GPC5: variants seen among roughly 807,000 people sequenced by gnomAD.
GPC5 encodes glypican-5.
In GPC5, 47 loss-of-function variants were observed where a neutral mutation model predicts 53.9. The ratio of observed to expected loss-of-function variants is 0.87; its 90% confidence interval spans 0.69 to 1.11. GPC5 has a LOEUF of 1.11. GPC5 is among the 50% of genes most tolerant of loss of function. The pLI, the probability that GPC5 is intolerant of heterozygous loss-of-function variation, is 0.00. For missense variants in GPC5, 748 were observed against 713.1 expected, an observed-to-expected ratio of 1.05 and a Z score of -0.56; for synonymous variants, 286 against 263.3, an observed-to-expected ratio of 1.09 and a Z score of -0.84.
chr13:91,716,093 T>A (rs2139933743), intron 3 of GPC5, among the ~76,000 whole-genome samples: 1 of 152,308 alleles, frequency 6.6e-6, no homozygotes, highest in Middle Eastern at 3.4e-3. Flanking sequence ...TTGATTTTTT[T>A]TTTTAAAGAT....
intron 5 of GPC5, among the ~76,000 whole-genome samples, chr13:91,802,808 T>C (rs543827639): frequency 6.6e-6 from 1 of 152,284 alleles, no homozygotes; most frequent in East Asian, 1.9e-4. Flanking sequence ...GGACTCATTC[T>C]GTCTCTTCTA....
chr13:91,576,124 T>C (rs1303714724), intron 2 of GPC5, among the ~76,000 whole-genome samples: 1 of 152,208 alleles, frequency 6.6e-6, no homozygotes, highest in East Asian at 1.9e-4. Flanking sequence ...GGCAGACAGA[T>C]GTTGGTCAAA....
intron 7 of GPC5, among the ~76,000 whole-genome samples, chr13:92,331,681 G>GT (rs2043288830): frequency 8.4e-6 from 1 of 119,248 alleles, no homozygotes; most frequent in Admixed American, 8.8e-5. Flanking sequence ...ATATACATAG[G>GT]GTTTTTTTTT....
At chr13:91,872,276 A>G (rs1406417440) in intron 5 of GPC5, among the ~76,000 whole-genome samples, 1 of 152,198 alleles carries the variant, frequency 6.6e-6, no homozygotes, top group Non-Finnish European at 1.5e-5. Flanking sequence ...AAAGAGCCCA[A>G]ATAAACATCT....
chr13:92,642,954 T>C (rs1259432630), intron 7 of GPC5, among the ~76,000 whole-genome samples: 1 of 152,226 alleles, frequency 6.6e-6, no homozygotes, highest in East Asian at 1.9e-4. Flanking sequence ...GTCAGTTATA[T>C]ACATGTTTCT....
At chr13:92,270,322 T>C (rs1315261045) in intron 7 of GPC5, among the ~76,000 whole-genome samples, 1 of 152,160 alleles carries the variant, frequency 6.6e-6, no homozygotes, top group East Asian at 1.9e-4. Flanking sequence ...GATTGGAACA[T>C]AGGGGTGGAT....
chr13:92,042,824 A>G lies in GPC5; in HGVS notation c.1402-102006A>G, dbSNP rs191369338. Reference sequence around the variant, plus strand: ...GCAGCTAATTATGAATATGTTCAAAACAGTTCAAAGAACGAAAAGAGCCAT... The same window carrying G: ...GCAGCTAATTATGAATATGTTCAAAGCAGTTCAAAGAACGAAAAGAGCCAT... On this transcript the variant is annotated intron_variant, in intron 6 of 7. Coordinates refer to ENST00000377067, the MANE Select transcript of GPC5 (RefSeq NM_004466.6). Among the ~76,000 whole-genome samples the G allele has an allele frequency of 9.8e-4, 149 of 152,348 alleles. 2 individuals are homozygous for G. Among genetic ancestry groups the G allele is most frequent in the African/African-American group, 3.2e-3 (132 of 41,578 alleles).
At chr13:91,907,090 T>TAC (rs1212396608) in intron 5 of GPC5, among the ~76,000 whole-genome samples, 71 of 148,852 alleles carry the variant, frequency 4.8e-4, no homozygotes, top group Middle Eastern at 7.2e-3. Context: ...ATGTGCCATA[T>TAC]ATATATGTAT....
chr13:92,125,675 T>G (rs1303040297), intron 6 of GPC5, among the ~76,000 whole-genome samples: 2 of 152,082 alleles, frequency 1.3e-5, no homozygotes, highest in African/African-American at 2.4e-5. Flanking sequence ...ATTTAAGCAT[T>G]GATTTAACAA....
At chr13:92,759,298 T>A (rs1460939250) in intron 7 of GPC5, among the ~76,000 whole-genome samples, 1 of 152,012 alleles carries the variant, frequency 6.6e-6, no homozygotes, top group Admixed American at 6.6e-5. Flanking sequence ...GGGATTTTGA[T>A]AAGCATGGCA....
chr13:91,646,639 G>T (rs1455612475), intron 2 of GPC5, among the ~76,000 whole-genome samples: 1 of 152,042 alleles, frequency 6.6e-6, no homozygotes, highest in East Asian at 1.9e-4. Context: ...CATACTGTTA[G>T]CCCAGCAAGC....
intron 6 of GPC5, among the ~76,000 whole-genome samples, chr13:91,943,572 C>G (rs2039947872): frequency 6.6e-6 from 1 of 152,088 alleles, no homozygotes; most frequent in Admixed American, 6.5e-5. Context: ...CATCAATCAA[C>G]TATTTTTGAT....
intron 5 of GPC5, among the ~76,000 whole-genome samples, chr13:91,887,691 C>T (rs2039340309): frequency 2.0e-5 from 3 of 152,186 alleles, no homozygotes; most frequent in Admixed American, 2.0e-4. Flanking sequence ...TGCCACCAGT[C>T]TTTTTGCTAA....
intron 7 of GPC5, among the ~76,000 whole-genome samples, chr13:92,586,833 G>C (rs1185600792): frequency 6.6e-6 from 1 of 152,146 alleles, no homozygotes; most frequent in Admixed American, 6.6e-5. Flanking sequence ...TTCTCTATCA[G>C]CAAGGCCAGT....
At chr13:92,506,767 T>C (rs1055344708) in intron 7 of GPC5, among the ~76,000 whole-genome samples, 8 of 152,210 alleles carry the variant, frequency 5.3e-5, no homozygotes, top group African/African-American at 1.9e-4. Flanking sequence ...TTCACACATA[T>C]ACTTTTAGGT....
At chr13:91,412,442 A>G (rs941945614) in intron 1 of GPC5, among the ~76,000 whole-genome samples, 5 of 152,354 alleles carry the variant, frequency 3.3e-5, no homozygotes, top group African/African-American at 1.2e-4. Flanking sequence ...ATGAAATACC[A>G]CAGTGAAATG....
In GPC5 at chr13:92,839,896, C is replaced by T. The variant is rs561332253; in HGVS notation, c.1562-26386C>T. Among the ~76,000 whole-genome samples, 29 of 151,738 alleles carry T rather than the reference C, an allele frequency of 1.9e-4. 1 individual carries two copies. In the South Asian group the frequency reaches 2.1e-3, roughly 11 times the overall value. On this transcript the variant is annotated intron_variant, in intron 7 of 7. Coordinates refer to ENST00000377067, the MANE Select transcript of GPC5 (RefSeq NM_004466.6). ...TACATATTTATTTCCTCTTCACGTT[C>T]GTGGGAACTCCACTCAAGTTCCCTT...
At chr13:92,855,245 T>C (rs1459094487) in intron 7 of GPC5, among the ~76,000 whole-genome samples, 1 of 152,038 alleles carries the variant, frequency 6.6e-6, no homozygotes, top group Non-Finnish European at 1.5e-5. Flanking sequence ...TTCTATTAAA[T>C]GTCATTAATA....
intron 7 of GPC5, among the ~76,000 whole-genome samples, chr13:92,796,040 C>T (rs542795256): frequency 6.6e-6 from 1 of 152,172 alleles, no homozygotes; most frequent in Non-Finnish European, 1.5e-5. Context: ...ATAAATCATT[C>T]TACTATAAAG....
Sources: gnomAD v4.1 joint callset for allele counts (sites outside exome capture counted in the v4.1 genomes callset) on GRCh38, gnomAD v4.1.1 for gene constraint, MANE v1.5 for transcripts, NCBI Gene and HGNC (gene_info 2026-07-23, HGNC 2026-07-21) for gene names.